PLEKHH2: variants seen among roughly 807,000 people sequenced by gnomAD.
PLEKHH2 encodes the protein pleckstrin homology domain-containing family H member 2.
PLEKHH2 carries 129 observed loss-of-function variants against 187.9 expected under a neutral mutation model. The observed-to-expected ratio is 0.69, with a 90% CI of 0.59 to 0.79. PLEKHH2 has a LOEUF of 0.79. Ranked by LOEUF, PLEKHH2 falls within the 30% of genes least tolerant of loss-of-function variation. The pLI, the probability that PLEKHH2 is intolerant of heterozygous loss-of-function variation, is 0.00. For synonymous variants in PLEKHH2, 686 were observed against 605.6 expected, an observed-to-expected ratio of 1.13 and a Z score of -1.95; for missense variants, 2,076 against 1,751.2, an observed-to-expected ratio of 1.19 and a Z score of -3.31.
chr2:43,680,984 G>T, intron 3 of PLEKHH2: 1 of 1,189,238 alleles, frequency 8.4e-7, no homozygotes, highest in South Asian at 1.7e-5. Context: ...TTCCGTTACT[G>T]TTGTTCATAT....
chr2:43,642,719 T>C (rs901715086), intron 1 of PLEKHH2, among the ~76,000 whole-genome samples: 7 of 152,194 alleles, frequency 4.6e-5, no homozygotes, highest in Admixed American at 1.3e-4. Context: ...GAAATGATCA[T>C]ACGGTTTTTG....
At chr2:43,649,288 G>A (rs1456479504) in intron 2 of PLEKHH2, among the ~76,000 whole-genome samples, 2 of 152,134 alleles carry the variant, frequency 1.3e-5, no homozygotes, top group Non-Finnish European at 2.9e-5. Context: ...GTCAGGGAGG[G>A]AAAAAGGAAA....
At chr2:43,732,946 C>T (rs1231900487) in intron 19 of PLEKHH2, among the ~76,000 whole-genome samples, 6 of 150,978 alleles carry the variant, frequency 4.0e-5, no homozygotes, top group South Asian at 2.1e-4. Context: ...CAACTTTCTG[C>T]CTTGTGCTTG....
chr2:43,728,993 A>G (rs981681925), intron 17 of PLEKHH2, among the ~76,000 whole-genome samples: 2 of 152,214 alleles, frequency 1.3e-5, no homozygotes, highest in Non-Finnish European at 2.9e-5. Flanking sequence ...AACCATCATA[A>G]TGTTCAGCAA....
At chr2:43,725,427 C>T (rs1362388480) in intron 16 of PLEKHH2, among the ~76,000 whole-genome samples, 1 of 152,122 alleles carries the variant, frequency 6.6e-6, no homozygotes, top group African/African-American at 2.4e-5. Flanking sequence ...GGAGACCTTC[C>T]CCCCTCCTTC....
chr2:43,734,613 A>G (rs4953004), intron 19 of PLEKHH2, among the ~76,000 whole-genome samples: 27,534 of 152,230 alleles, frequency 0.18, 2,949 homozygotes, highest in Admixed American at 0.29. Flanking sequence ...AATGCTGTGA[A>G]GGATGCAGAG....
intron 20 of PLEKHH2, among the ~76,000 whole-genome samples, chr2:43,740,578 G>T (rs1301722317): frequency 6.6e-6 from 1 of 152,274 alleles, no homozygotes; most frequent in Middle Eastern, 3.4e-3. Flanking sequence ...GTTTTCTACT[G>T]TTCTGCAATC....
chr2:43,713,866 G>C (rs1022646435), intron 15 of PLEKHH2, among the ~76,000 whole-genome samples: 15 of 152,006 alleles, frequency 9.9e-5, no homozygotes, highest in Non-Finnish European at 4.4e-5. Flanking sequence ...TTATTAATGT[G>C]GGAATGTAGG....
chr2:43,648,338 A>T (rs1666285650), intron 2 of PLEKHH2, among the ~76,000 whole-genome samples: 1 of 151,742 alleles, frequency 6.6e-6, no homozygotes, highest in African/African-American at 2.4e-5. Context: ...ACAGGCACAT[A>T]CCACCACGCC....
In PLEKHH2 at chr2:43,704,120, A is replaced by T. The variant is rs148826674; in HGVS notation, c.1726+64A>T. 4.7e-4 allele frequency: 526 copies of T among 1,108,682 alleles called. 3 individuals are homozygous for T. In the African/African-American group the frequency reaches 7.5e-3, roughly 16 times the overall value. The allele number at this position is 1,108,682 out of a possible 1,614,324, so 68.7% of individuals were successfully genotyped here. A position where few individuals can be genotyped will look rare whatever the true frequency, so the allele number is the denominator to read the frequency against. Reference sequence around the variant, plus strand: ...AGGACTTTGTGCTAAGGGATAGTATAATACAAATACATGGTACAGTCACAA... The same window carrying T: ...AGGACTTTGTGCTAAGGGATAGTATTATACAAATACATGGTACAGTCACAA... On this transcript the variant is annotated intron_variant, in intron 9 of 29. Coordinates refer to ENST00000282406, the MANE Select transcript of PLEKHH2 (RefSeq NM_172069.4).
intron 3 of PLEKHH2, among the ~76,000 whole-genome samples, chr2:43,683,998 G>A (rs1296716242): frequency 6.6e-6 from 1 of 152,062 alleles, no homozygotes; most frequent in East Asian, 1.9e-4. Flanking sequence ...TCCAACACCA[G>A]AGTGGTACAT....
At chr2:43,712,961 G>C (rs1348420861) in intron 15 of PLEKHH2, among the ~76,000 whole-genome samples, 1 of 152,022 alleles carries the variant, frequency 6.6e-6, no homozygotes, top group East Asian at 1.9e-4. Context: ...AAATCTGCTA[G>C]TTTCTGCAAT....
At chr2:43,763,385 A>G (rs1672503395) in intron 28 of PLEKHH2, among the ~76,000 whole-genome samples, 1 of 151,980 alleles carries the variant, frequency 6.6e-6, no homozygotes, top group Non-Finnish European at 1.5e-5. Flanking sequence ...TTCAGGCTGT[A>G]TATTAGTTAC....
chr2:43,707,567 A>G (rs1572594693), intron 11 of PLEKHH2, 22 bp downstream of exon 11: 3 of 1,613,410 alleles, frequency 1.9e-6, no homozygotes, highest in Middle Eastern at 1.6e-4. Flanking sequence ...TCGCAGGCAT[A>G]TGAGGCAACT....
chr2:43,669,108 C>T (rs1485308563), intron 2 of PLEKHH2, among the ~76,000 whole-genome samples: 1 of 152,184 alleles, frequency 6.6e-6, no homozygotes, highest in East Asian at 1.9e-4. Context: ...AAGGCCCCTA[C>T]TTGGGCAAAG....
intron 2 of PLEKHH2, chr2:43,676,468 G>C (rs1572531654): frequency 1.6e-6 from 1 of 637,670 alleles, no homozygotes; most frequent in East Asian, 2.8e-5. Context: ...TAGAGAAGGG[G>C]GCGGGGCAGG....
chr2:43,697,469 G>T, intron 7 of PLEKHH2, 113 bp downstream of exon 7: 1 of 878,978 alleles, frequency 1.1e-6, no homozygotes, highest in South Asian at 2.3e-5. Flanking sequence ...ACAATTTGAT[G>T]TTTTATGAGA....
chr2:43,637,477 C>T lies in PLEKHH2; in HGVS notation c.-4+98C>T, dbSNP rs1703161055. On this transcript the variant is annotated intron_variant, in intron 1 of 29. Transcript: ENST00000282406. ...CCCCGTCCAGGGGGGCTCGCGGGGC[C>T]GAGGTTTGGGGCGCCGGGAGGAGCG... The T allele has an allele frequency of 3.3e-5, 5 of 152,402 alleles. No homozygotes were observed. The South Asian group carries it at 1.0e-3, about 32-fold the overall frequency. The allele number at this position is 152,402 out of a possible 1,614,324, so 9.4% of individuals were successfully genotyped here. A position where few individuals can be genotyped will look rare whatever the true frequency, so the allele number is the denominator to read the frequency against.
rs187319505 is a variant in PLEKHH2, at chr2:43,740,335, G to A, written c.3124-611G>A. 2.0e-4 allele frequency among the ~76,000 whole-genome samples: 31 copies of A among 152,228 alleles called. 1 individual carries two copies. In the East Asian group the frequency reaches 4.6e-3, roughly 23 times the overall value. ...GAAGACTTTTTGTACCTTGTTTAGT[G>A]GTTGAGCATTAACCACCATGTTCTT... is the stretch of plus-strand genomic sequence containing the variant. On this transcript the variant is annotated intron_variant, in intron 20 of 29. Coordinates refer to ENST00000282406, the MANE Select transcript of PLEKHH2 (RefSeq NM_172069.4).
Sources: gnomAD v4.1 joint callset for allele counts (sites outside exome capture counted in the v4.1 genomes callset) on GRCh38, gnomAD v4.1.1 for gene constraint, MANE v1.5 for transcripts, NCBI Gene and HGNC (gene_info 2026-07-23, HGNC 2026-07-21) for gene names.